DST: variants seen among roughly 807,000 people sequenced by gnomAD.
The protein encoded by DST is dystonin.
In DST, 253 loss-of-function variants were observed where a neutral mutation model predicts 875.2. That is an observed-to-expected ratio of 0.29 (90% CI 0.26 to 0.32). The LOEUF is 0.32. Among genes scored for constraint, DST ranks in the 10% least tolerant of loss-of-function variants. The pLI, the probability that DST is intolerant of heterozygous loss-of-function variation, is 1.00. For synonymous variants in DST, 3,124 were observed against 3,197.1 expected (o/e 0.98, Z 0.77); for missense variants, 8,287 against 9,111.6 (o/e 0.91, Z 3.68).
intron 5 of DST, among the ~76,000 whole-genome samples, chr6:56,721,095 C>T (rs561394163): frequency 1.2e-3 from 174 of 151,136 alleles, no homozygotes; most frequent in African/African-American, 3.7e-3. Flanking sequence ...GGGCGGCTGC[C>T]GGGCGGGGGC....
At chr6:56,716,750 T>G (rs1324102064) in intron 5 of DST, among the ~76,000 whole-genome samples, 2 of 152,226 alleles carry the variant, frequency 1.3e-5, no homozygotes, top group East Asian at 3.9e-4. Context: ...ATAATTTAAA[T>G]CAGTGGCCCA....
chr6:56,704,974 T>A (rs181453172), intron 5 of DST, among the ~76,000 whole-genome samples: 4 of 152,288 alleles, frequency 2.6e-5, no homozygotes, highest in South Asian at 2.1e-4. Context: ...AACGGAAGAT[T>A]TTCAAAACTA....
At chr6:56,781,782 G>C (rs1046017275) in intron 4 of DST, among the ~76,000 whole-genome samples, 288 of 152,074 alleles carry the variant, frequency 1.9e-3, no homozygotes, top group African/African-American at 6.4e-3. Flanking sequence ...GGTGAGAGAG[G>C]GCATCCCTGT....
chr6:56,541,907 A>G (rs1232489257), intron 61 of DST, among the ~76,000 whole-genome samples: 1 of 152,196 alleles, frequency 6.6e-6, no homozygotes, highest in Non-Finnish European at 1.5e-5. Flanking sequence ...AAACAAACAC[A>G]CACTTAACAG....
intron 4 of DST, among the ~76,000 whole-genome samples, chr6:56,798,265 C>T (rs1475314434): frequency 6.6e-6 from 1 of 152,146 alleles, no homozygotes; most frequent in Non-Finnish European, 1.5e-5. Flanking sequence ...GAAGGCAAAG[C>T]CTGGCTTTAA....
chr6:56,857,352 G>A (rs1043156457), intron 3 of DST, among the ~76,000 whole-genome samples: 13 of 152,116 alleles, frequency 8.5e-5, no homozygotes, highest in Admixed American at 4.6e-4. Context: ...TTTAAGTGTT[G>A]CTTAGTTTAT....
chr6:56,614,690 G>A (rs2098595228), intron 36 of DST: 1 of 1,192,448 alleles, frequency 8.4e-7, no homozygotes, highest in Non-Finnish European at 1.0e-6. Flanking sequence ...AGAAAGCTAT[G>A]GCATACATTC....
In DST at chr6:56,618,064, C is replaced by G. The variant is rs762004435; in HGVS notation, c.4930-3580G>C. On this transcript the variant is annotated intron_variant, in intron 36 of 103. Transcript: ENST00000680361. ...ACCTAACAGGTGGTCTAGAATTGTT[C>G]AGGGCTTGGTCTCTTATCTTCTCAA... The G allele has an allele frequency of 5.0e-6, 8 of 1,614,138 alleles. No individual in the cohort carries two copies. The highest frequency in any genetic ancestry group is 1.6e-4 in the Middle Eastern group (1 of 6,062).
chr6:56,672,552 T>C (rs1179796291), intron 9 of DST, among the ~76,000 whole-genome samples: 4 of 152,136 alleles, frequency 2.6e-5, no homozygotes, highest in Non-Finnish European at 4.4e-5. Flanking sequence ...CAAGTTCCAA[T>C]GATATTCTGG....
At chr6:56,778,004 G>A (rs899361831) in intron 4 of DST, among the ~76,000 whole-genome samples, 1 of 152,056 alleles carries the variant, frequency 6.6e-6, no homozygotes, top group Non-Finnish European at 1.5e-5. Context: ...CCCCCGGCCT[G>A]TAAGGAGTAT....
In DST at chr6:56,636,311, AGT is replaced by A. The variant is rs554352021; in HGVS notation, c.3060+244_3060+245del. 2.2e-3 allele frequency among the ~76,000 whole-genome samples: 334 copies of A among 150,104 alleles called. 1 individual carries two copies. Among genetic ancestry groups the A allele is most frequent in the African/African-American group, 7.9e-3 (320 of 40,400 alleles). ...ACATATACATATATACATATATAAC[AGT>A]GTGTGTATATATGTGTATATATGTA... On this transcript the variant is annotated intron_variant, in intron 23 of 103. Transcript: ENST00000680361.
intron 5 of DST, among the ~76,000 whole-genome samples, chr6:56,725,420 G>A (rs2099448758): frequency 6.6e-6 from 1 of 152,262 alleles, no homozygotes; most frequent in South Asian, 2.1e-4. Flanking sequence ...TACAGTGAAT[G>A]AGGTTCCCAT....
chr6:56,851,390 C>G lies in DST; in HGVS notation c.625+7G>C. The G allele has an allele frequency of 6.2e-7, 1 of 1,611,950 alleles. No homozygotes were observed. The highest frequency in any genetic ancestry group is 8.5e-7 in the Non-Finnish European group (1 of 1,179,502). On this transcript the variant is annotated splice_region_variant and intron_variant, in intron 4 of 103. Transcript: ENST00000680361. ...CCCACTCCATCCCCTTCCCCAGATGCTCTTACCTGCTATCCGAAGCACTGC... is the reference window on the plus strand; with the variant it reads ...CCCACTCCATCCCCTTCCCCAGATGGTCTTACCTGCTATCCGAAGCACTGC...
chr6:56,665,062 T>C (rs2099065467), intron 10 of DST, among the ~76,000 whole-genome samples: 1 of 152,216 alleles, frequency 6.6e-6, no homozygotes, highest in Admixed American at 6.5e-5. Flanking sequence ...ATCCAGGCTC[T>C]TCATCCTCTT....
In DST at chr6:56,605,431, A is replaced by G. The variant is rs1416487701; in HGVS notation, c.9197T>C (p.Val3066Ala). 2.5e-6 allele frequency: 4 copies of G among 1,612,886 alleles called. 1 individual carries two copies. Among genetic ancestry groups the G allele is most frequent in the Middle Eastern group, 1.7e-4 (1 of 6,050 alleles). ...GEGEVLVEGL[V>A]EEENRHLKLL... ...TTTGAGATGCCTATTTTCTTCTTCT[A>G]CTAGACCTTCTACAAGCACTTCTCC... The change falls in exon 40 of 104, where the codon GTA becomes GCA. Residue 3066 changes from valine (V) to alanine (A), a missense_variant. Transcript: ENST00000680361.
chr6:56,842,053 T>G (rs778548742), intron 4 of DST, among the ~76,000 whole-genome samples: 3 of 151,990 alleles, frequency 2.0e-5, no homozygotes, highest in Non-Finnish European at 4.4e-5. Flanking sequence ...TTGGGCTTTT[T>G]GGGGCTTTGG....
intron 4 of DST, among the ~76,000 whole-genome samples, chr6:56,834,546 A>G (rs1309566676): frequency 6.6e-6 from 1 of 152,150 alleles, no homozygotes; most frequent in Non-Finnish European, 1.5e-5. Flanking sequence ...GCAGTGAGCC[A>G]AGATCGTGCC....
intron 2 of DST, among the ~76,000 whole-genome samples, chr6:56,929,087 T>A (rs1808758791): frequency 6.6e-6 from 1 of 151,838 alleles, no homozygotes; most frequent in African/African-American, 2.4e-5. Context: ...ACTAAAAGAG[T>A]ATACCAATAA....
At position 56,711,817 on chromosome 6, in the gene DST, C is replaced by T. The variant is rs541164535; in HGVS notation, c.688-7448G>A. 2.6e-5 allele frequency among the ~76,000 whole-genome samples: 4 copies of T among 151,842 alleles called. No homozygotes were observed. The East Asian group carries it at 5.8e-4, about 22-fold the overall frequency. On this transcript the variant is annotated intron_variant, in intron 5 of 103. Transcript: ENST00000680361. Reference sequence around the variant, plus strand: ...TTAAAAATAGGAGGAGGTGGCCGGGCGCGGTGGCTCACGCCTGTAATCCCA... The same window carrying T: ...TTAAAAATAGGAGGAGGTGGCCGGGTGCGGTGGCTCACGCCTGTAATCCCA...
Sources: allele counts gnomAD v4.1 joint callset (sites outside exome capture counted in the v4.1 genomes callset), GRCh38; gene constraint gnomAD v4.1.1; transcripts MANE v1.5; gene names NCBI Gene and HGNC (gene_info 2026-07-23, HGNC 2026-07-21).